Variants in SMCHD1 observed in about 807,000 individuals in gnomAD.
SMCHD1 encodes structural maintenance of chromosomes flexible hinge domain containing 1.
A neutral mutation model predicts 254.7 loss-of-function variants in SMCHD1; 78 were observed. That is an observed-to-expected ratio of 0.31 (90% CI 0.26 to 0.37). The LOEUF (loss-of-function observed/expected upper bound fraction) is 0.37. SMCHD1 is among the 10% of genes least tolerant of loss of function. The probability of loss-of-function intolerance (pLI) is 1.00; values close to 1 mark genes in which losing one functional copy is unlikely to be tolerated. For missense variants in SMCHD1, 1,840 were observed against 2,408.1 expected, an observed-to-expected ratio of 0.76 and a Z score of 4.94; for synonymous variants, 766 against 794.9, an observed-to-expected ratio of 0.96 and a Z score of 0.61.
chr18:2,733,035 A>G (rs945006082), intron 25 of SMCHD1, among the ~76,000 whole-genome samples: 1 of 152,222 alleles, frequency 6.6e-6, no homozygotes, highest in Non-Finnish European at 1.5e-5. Context: ...TTGAGTCTGC[A>G]TGTTGAAACT....
intron 17 of SMCHD1, among the ~76,000 whole-genome samples, chr18:2,711,513 C>T (rs1296788467): frequency 2.5e-4 from 32 of 126,492 alleles, no homozygotes; most frequent in South Asian, 1.0e-3. Context: ...GACGGAGTCT[C>T]GCTCTGTCGC....
At chr18:2,745,694 T>G (rs1024138190) in intron 29 of SMCHD1, among the ~76,000 whole-genome samples, 1 of 152,204 alleles carries the variant, frequency 6.6e-6, no homozygotes, top group Non-Finnish European at 1.5e-5. Context: ...TCTGGACATG[T>G]TTGTCTTATA....
chr18:2,698,431 C>T (rs2143160190), intron 10 of SMCHD1, among the ~76,000 whole-genome samples: 1 of 152,230 alleles, frequency 6.6e-6, no homozygotes, highest in African/African-American at 2.4e-5. Context: ...TTTTACATCT[C>T]AAAATTATAT....
Position 2,722,565 on chromosome 18 carries a change from T to C in SMCHD1, c.2505T>C (p.Phe835=). Reference sequence around the variant, plus strand: ...CATTTGGTCTTCTGGATCTTCCTTTTCGTGTTGGAGTTCCATTTAATATCC... The same window carrying C: ...CATTTGGTCTTCTGGATCTTCCTTTCCGTGTTGGAGTTCCATTTAATATCC... ...KFSFGLLDLP[F]RVGVPFNIPL... The change falls in exon 20 of 48, where the codon TTT becomes TTC. Residue 835 remains phenylalanine (F), a synonymous_variant. Transcript: ENST00000320876. 2.5e-6 allele frequency: 4 copies of C among 1,613,482 alleles called. No individual in the cohort carries two copies. The highest frequency in any genetic ancestry group is 3.4e-6 in the Non-Finnish European group (4 of 1,179,636).
intron 29 of SMCHD1, 113 bp downstream of exon 29, chr18:2,744,041 T>C: frequency 1.1e-6 from 1 of 891,148 alleles, no homozygotes; most frequent in Non-Finnish European, 1.6e-6. Flanking sequence ...CAACTAACAG[T>C]TGTTAACAGT....
Position 2,707,620 on chromosome 18 carries a change from G to A in SMCHD1, c.2121G>A (p.Glu707=), listed in dbSNP as rs2074548959. The part of the protein sequence containing the change: ...WPEGDELLPN[E]VRPAGTPIGA... Reference sequence around the variant, plus strand: ...AAGGAGATGAATTATTGCCTAATGAGGTTAGGCCTGCTGGAACCCCTATTG... The same window carrying A: ...AAGGAGATGAATTATTGCCTAATGAAGTTAGGCCTGCTGGAACCCCTATTG... Residue 707 remains glutamate, a synonymous_variant, in exon 16 of 48, where the codon GAG becomes GAA. Transcript: ENST00000320876. 6.2e-7 allele frequency: 1 copy of A among 1,606,102 alleles called. No individual in the cohort carries two copies. The highest frequency in any genetic ancestry group is 8.5e-7 in the Non-Finnish European group (1 of 1,174,732).
chr18:2,697,752 T>C (rs1486776552), intron 9 of SMCHD1, 79 bp from the exon 10 acceptor site: 1 of 889,282 alleles, frequency 1.1e-6, no homozygotes, highest in Non-Finnish European at 1.8e-6. Context: ...TTTTTACTTA[T>C]TCTGTTGTTG....
intron 20 of SMCHD1, among the ~76,000 whole-genome samples, chr18:2,724,373 A>G (rs1025038325): frequency 2.0e-5 from 3 of 151,924 alleles, no homozygotes; most frequent in Admixed American, 1.3e-4. Flanking sequence ...CATATTACTC[A>G]TGGAAGTAGA....
At chr18:2,788,582 T>C (rs1239226806) in intron 45 of SMCHD1, among the ~76,000 whole-genome samples, 1 of 152,182 alleles carries the variant, frequency 6.6e-6, no homozygotes, top group East Asian at 1.9e-4. Flanking sequence ...AATTTACTTA[T>C]TGTTTTTAAT....
intron 47 of SMCHD1, among the ~76,000 whole-genome samples, chr18:2,800,156 C>T (rs1334213511): frequency 4.0e-5 from 6 of 151,784 alleles, no homozygotes; most frequent in African/African-American, 1.2e-4. Context: ...TCAGTTAGAA[C>T]AAAAGAGTGA....
intron 4 of SMCHD1, among the ~76,000 whole-genome samples, chr18:2,673,605 A>G (rs1044239991): frequency 3.3e-5 from 5 of 152,180 alleles, no homozygotes; most frequent in African/African-American, 9.7e-5. Context: ...AACATGTGTC[A>G]TATCATGAAT....
chr18:2,669,704 G>C (rs982783067), intron 3 of SMCHD1, among the ~76,000 whole-genome samples: 2 of 152,110 alleles, frequency 1.3e-5, no homozygotes, highest in African/African-American at 2.4e-5. Context: ...AATGGTGCCG[G>C]GTTTATCTCT....
At chr18:2,671,689 G>A (rs938792442) in intron 3 of SMCHD1, among the ~76,000 whole-genome samples, 34 of 148,376 alleles carry the variant, frequency 2.3e-4, no homozygotes, top group African/African-American at 8.2e-4. Flanking sequence ...TCCGCCTCCC[G>A]GGTTCACGCC....
chr18:2,699,441 G>A (rs1350962833), intron 10 of SMCHD1, among the ~76,000 whole-genome samples: 1 of 152,166 alleles, frequency 6.6e-6, no homozygotes, highest in African/African-American at 2.4e-5. Flanking sequence ...CCAGGTTCAA[G>A]CAATTCTCAT....
intron 28 of SMCHD1, among the ~76,000 whole-genome samples, chr18:2,742,821 CGCAT>C (rs1304178404): frequency 6.6e-6 from 1 of 152,038 alleles, no homozygotes; most frequent in Non-Finnish European, 1.5e-5. Context: ...GGACTATAGA[CGCAT>C]GCCACTACAC....
chr18:2,776,781 T>TA (rs1391449430), intron 42 of SMCHD1, among the ~76,000 whole-genome samples: 28 of 152,150 alleles, frequency 1.8e-4, no homozygotes, highest in African/African-American at 6.8e-4. Flanking sequence ...GAAACAGCTG[T>TA]ATGTTGAACT....
intron 39 of SMCHD1, among the ~76,000 whole-genome samples, chr18:2,770,732 T>C (rs957635857): frequency 1.3e-5 from 2 of 152,178 alleles, no homozygotes; most frequent in African/African-American, 2.4e-5. Context: ...GTGATTCTCG[T>C]GCCTCAGCCT....
intron 36 of SMCHD1, among the ~76,000 whole-genome samples, chr18:2,762,991 A>G (rs754211078): frequency 3.3e-5 from 5 of 152,258 alleles, no homozygotes; most frequent in Non-Finnish European, 7.3e-5. Flanking sequence ...TTCATGAAGC[A>G]TAAGCAGCAA....
intron 17 of SMCHD1, among the ~76,000 whole-genome samples, chr18:2,715,178 A>G (rs1486821703): frequency 6.6e-6 from 1 of 151,972 alleles, no homozygotes; most frequent in Non-Finnish European, 1.5e-5. Context: ...TTCCTCAATT[A>G]TTTCCTCAAA....
Sources: gnomAD v4.1 joint callset for allele counts (sites outside exome capture counted in the v4.1 genomes callset) on GRCh38, gnomAD v4.1.1 for gene constraint, MANE v1.5 for transcripts, NCBI Gene and HGNC (gene_info 2026-07-23, HGNC 2026-07-21) for gene names.